NPHS1: variants seen among roughly 807,000 people sequenced by gnomAD.
The protein encoded by NPHS1 is nephrin.
In NPHS1, 107 loss-of-function variants were observed where a neutral mutation model predicts 139.7. The observed-to-expected ratio is 0.77, with a 90% confidence interval of 0.66 to 0.90. The LOEUF (loss-of-function observed/expected upper bound fraction) is 0.90, where lower values mean the gene tolerates loss of function less well. NPHS1 is among the 40% of genes least tolerant of loss of function. The probability of loss-of-function intolerance (pLI) is 0.00; values close to 1 mark genes in which losing one functional copy is unlikely to be tolerated. For missense variants in NPHS1, 1,580 were observed against 1,654.2 expected, an observed-to-expected ratio of 0.96 and a Z score of 0.78; for synonymous variants, 707 against 706.6, an observed-to-expected ratio of 1.00 and a Z score of -0.01.
intron 16 of NPHS1, 115 bp downstream of exon 16, chr19:35,843,988 G>A (rs1973097255): frequency 3.5e-6 from 5 of 1,426,286 alleles, no homozygotes; most frequent in East Asian, 2.3e-5. Flanking sequence ...TCCAGAACGG[G>A]AGGGTTCCAG....
In NPHS1 at chr19:35,846,152, G is replaced by A. The variant is rs548622564; in HGVS notation, c.1483C>T (p.Arg495Trp). The part of the protein sequence containing the change: ...VTESRLPQES[R>W]RVHLGSVEKS... Reference sequence around the variant, plus strand: ...TCCACGCTGCCGAGATGCACGCGCCGCGACTCCTGCGGCAGCCGCGACTCG... The same window carrying A: ...TCCACGCTGCCGAGATGCACGCGCCACGACTCCTGCGGCAGCCGCGACTCG... Residue 495 changes from arginine (R) to tryptophan (W), a missense_variant, in exon 12 of 29, where the codon CGG becomes TGG. Coordinates refer to ENST00000378910, the MANE Select transcript of NPHS1 (RefSeq NM_004646.4). 1.0e-5 allele frequency: 16 copies of A among 1,596,148 alleles called. No homozygotes were observed. In the South Asian group the frequency reaches 1.8e-4, roughly 18 times the overall value.
chr19:35,838,478 G>A (rs555643672), intron 22 of NPHS1, among the ~76,000 whole-genome samples: 93 of 151,782 alleles, frequency 6.1e-4, no homozygotes, highest in African/African-American at 2.1e-3. Flanking sequence ...GCTTGAACCC[G>A]GGAGGCGGAG....
chr19:35,841,685 C>T, intron 20 of NPHS1, 30 bp downstream of exon 20: 1 of 1,613,712 alleles, frequency 6.2e-7, no homozygotes, highest in Non-Finnish European at 8.5e-7. Context: ...GGAGCACCCC[C>T]TCCCCAACAC....
intron 5 of NPHS1, among the ~76,000 whole-genome samples, chr19:35,849,969 G>A (rs1180484690): frequency 6.6e-6 from 1 of 152,190 alleles, no homozygotes; most frequent in East Asian, 1.9e-4. Context: ...AGGCTGGAGT[G>A]CAGTGGTACA....
At chr19:35,836,192 C>G (rs1972958074) in intron 22 of NPHS1, among the ~76,000 whole-genome samples, 1 of 145,882 alleles carries the variant, frequency 6.9e-6, no homozygotes, top group South Asian at 2.2e-4. Flanking sequence ...AACTCCTGAC[C>G]TCGTGATTCG....
intron 16 of NPHS1, chr19:35,843,801 T>C (rs1973094410): frequency 1.5e-6 from 1 of 668,356 alleles, no homozygotes; most frequent in Non-Finnish European, 2.5e-6. Flanking sequence ...ATAATTAGAG[T>C]GAGTTGAGTG....
chr19:35,836,768 G>A (rs1406944923), intron 22 of NPHS1, among the ~76,000 whole-genome samples: 2 of 152,006 alleles, frequency 1.3e-5, no homozygotes, highest in Non-Finnish European at 2.9e-5. Context: ...ACTGAGGCAG[G>A]TGGATCACCT....
At chr19:35,831,023 T>G in intron 27 of NPHS1, 30 bp downstream of exon 27, 1 of 1,610,734 alleles carries the variant, frequency 6.2e-7, no homozygotes, top group Non-Finnish European at 8.5e-7. Flanking sequence ...TACCTCTGAG[T>G]GAGGGAATCC....
chr19:35,835,897 C>A, intron 22 of NPHS1, 136 bp from the exon 23 acceptor site: 1 of 711,766 alleles, frequency 1.4e-6, no homozygotes, highest in Non-Finnish European at 2.5e-6. Context: ...TCAAAGAGAG[C>A]TAGAAATTGC....
rs138852882 is a variant in NPHS1 at position 35,846,104 on chromosome 19, G to A, written c.1531C>T (p.Arg511Ter). 9.4e-6 allele frequency: 15 copies of A among 1,596,432 alleles called. No homozygotes were observed. Among genetic ancestry groups the A allele is most frequent in the Non-Finnish European group, 1.3e-5 (15 of 1,172,406 alleles). The stretch of plus-strand genomic sequence containing the variant: ...GGCCCTGTGACCAGCACCAGCTCTC[G>A]GGAGAAGGTGCTCCCAGATTTCTCC... ...SVEKSGSTFS[R>*]ELVLVTGPSD... is the part of the protein sequence containing the mutation. The change falls in exon 12 of 29, where the codon CGA (arginine) becomes TGA (stop). Residue 511 changes from arginine to a stop codon, truncating the protein, a stop_gained. Transcript: ENST00000378910. LOFTEE classifies it high-confidence loss of function.
rs760939319 is a variant in NPHS1, at chr19:35,850,361, C to T, written c.608+3G>A. On this transcript the variant is annotated splice_donor_region_variant and intron_variant, in intron 5 of 28. Transcript: ENST00000378910. ...GGTTGGGGGGTTGTTTCAGTTTCCA[C>T]ACCTGGCTGTGGCCTCCACAGTGAA... is the stretch of plus-strand genomic sequence containing the variant. The T allele has an allele frequency of 6.2e-7, 1 of 1,613,588 alleles. No homozygotes were observed. The highest frequency in any genetic ancestry group is 8.5e-7 in the Non-Finnish European group (1 of 1,179,502).
chr19:35,830,662 G>A (rs971395224), intron 28 of NPHS1, among the ~76,000 whole-genome samples, 182 bp downstream of exon 28: 1 of 152,220 alleles, frequency 6.6e-6, no homozygotes, highest in South Asian at 2.1e-4. Context: ...TCCTGCCTTG[G>A]CCTCCCAAAG....
Position 35,851,372 on chromosome 19 carries a change from A to T in NPHS1, c.287T>A (p.Leu96Gln). Residue 96 changes from leucine to glutamine, a missense_variant, in exon 3 of 29, where the codon CTG becomes CAG. Physicochemically the swap from Leu to Gln is moderately radical, Grantham distance 113. Coordinates refer to ENST00000378910, the MANE Select transcript of NPHS1 (RefSeq NM_004646.4). Reference protein sequence around the residue: ...EGDPARGEFHLHIEACDLSDD... With the variant: ...EGDPARGEFHQHIEACDLSDD... ...GCTGAGGTCACAGGCCTCGATGTGCAGGTGGAATTCACCTGCAGGGGGAGC... is the reference window on the plus strand; with the variant it reads ...GCTGAGGTCACAGGCCTCGATGTGCTGGTGGAATTCACCTGCAGGGGGAGC... The T allele has an allele frequency of 6.2e-7, 1 of 1,613,258 alleles. No homozygotes were observed. Among genetic ancestry groups the T allele is most frequent in the Non-Finnish European group, 8.5e-7 (1 of 1,179,714 alleles).
rs748023792 is a variant in NPHS1, at chr19:35,845,642, G to C, written c.1757+27C>G. On this transcript the variant is annotated intron_variant, in intron 13 of 28. Transcript: ENST00000378910. This position sits in a 1 kb window ranked among gnomAD's most constrained non-coding sequence, Gnocchi z 5.5. ...GTGGAGGGGGCGAGGCCAGACCAGA[G>C]AGGGGAGGGATCCCTCGCACTCCCA... 3.1e-6 allele frequency: 5 copies of C among 1,611,880 alleles called. 1 individual carries two copies.
intron 8 of NPHS1, 39 bp from the exon 9 acceptor site, chr19:35,848,833 A>G (rs1462355615): frequency 1.2e-6 from 2 of 1,613,794 alleles, no homozygotes; most frequent in Non-Finnish European, 1.7e-6. Flanking sequence ...GCTGGGCTGG[A>G]TTTCTCACAG....
Position 35,826,083 on chromosome 19 carries a change from C to T in NPHS1, c.*431G>A, listed in dbSNP as rs995778850. 1.5e-5 allele frequency: 3 copies of T among 200,504 alleles called. No individual in the cohort carries two copies. Among genetic ancestry groups the T allele is most frequent in the South Asian group, 1.8e-4 (2 of 11,150 alleles). 12.4% of individuals were successfully genotyped at this position (200,504 alleles called of 1,614,324 possible). A position where few individuals can be genotyped will look rare whatever the true frequency, so the allele number is the denominator to read the frequency against. The stretch of plus-strand genomic sequence containing the variant: ...GCATCAGCCTCCCAAGTAGCTGGGA[C>T]TACAGGCATGCGCCACTACTCCTGG... On this transcript the variant is annotated 3_prime_UTR_variant, in exon 29 of 29. Transcript: ENST00000378910.
Position 35,842,450 on chromosome 19 carries a change from C to T in NPHS1, c.2435G>A (p.Gly812Asp). The change falls in exon 18 of 29, where the codon GGC (glycine) becomes GAC (aspartate). Residue 812 changes from glycine (G) to aspartate (D), a missense_variant. Coordinates refer to ENST00000378910, the MANE Select transcript of NPHS1 (RefSeq NM_004646.4). ...RIHHAKLAQA[G>D]AYQCIVDNGV... ...ATTGTCCACAATGCACTGGTAAGCGCCAGCCTGGGCCAGTTTGGCATGGTG... is the reference window on the plus strand; with the variant it reads ...ATTGTCCACAATGCACTGGTAAGCGTCAGCCTGGGCCAGTTTGGCATGGTG... 6.2e-7 allele frequency: 1 copy of T among 1,614,144 alleles called. No homozygotes were observed. Among genetic ancestry groups the T allele is most frequent in the Non-Finnish European group, 8.5e-7 (1 of 1,180,012 alleles).
intron 28 of NPHS1, 47 bp from the exon 29 acceptor site, chr19:35,826,692 G>T: frequency 6.2e-7 from 1 of 1,610,336 alleles, no homozygotes; most frequent in South Asian, 1.1e-5. Flanking sequence ...ATGCCCTGTA[G>T]GTCTTCATTG....
At chr19:35,844,061 G>A (rs1211242786) in intron 16 of NPHS1, 42 bp downstream of exon 16, 1 of 1,600,672 alleles carries the variant, frequency 6.2e-7, no homozygotes, top group Non-Finnish European at 8.5e-7. Context: ...AATGGGCAAG[G>A]TTCCTTGGGT....
Sources: gnomAD v4.1 joint callset for allele counts (sites outside exome capture counted in the v4.1 genomes callset) on GRCh38, gnomAD v4.1.1 for gene constraint, Gnocchi (gnomAD v3.1) non-coding constraint, MANE v1.5 for transcripts, NCBI Gene and HGNC (gene_info 2026-07-23, HGNC 2026-07-21) for gene names.